RBFOX1: variants seen among roughly 807,000 people sequenced by gnomAD.
RBFOX1 encodes RNA binding fox-1 homolog 1, also known as RNA binding protein fox-1 homolog 1.
Under a neutral mutation model 57.7 loss-of-function variants are expected in RBFOX1, and 8 were observed. The ratio of observed to expected loss-of-function variants is 0.14; its 90% CI spans 0.08 to 0.25. RBFOX1 has a LOEUF of 0.25. Among genes scored for constraint, RBFOX1 ranks in the 10% least tolerant of loss-of-function variants. The probability of loss-of-function intolerance (pLI) is 1.00; values close to 1 mark genes in which losing one functional copy is unlikely to be tolerated. For synonymous variants in RBFOX1, 326 were observed against 222.4 expected (o/e 1.47, Z -4.15); for missense variants, 611 against 548.5 (o/e 1.11, Z -1.14).
At chr16:5,474,949 A>T (rs991473750) in intron 2 of RBFOX1, among the ~76,000 whole-genome samples, 3 of 152,198 alleles carry the variant, frequency 2.0e-5, no homozygotes, top group South Asian at 4.1e-4. Flanking sequence ...AGCTTGGCTG[A>T]TGCATCCTAC....
At position 6,683,577 on chromosome 16, in the gene RBFOX1, G is replaced by A. The variant is rs780893861; in HGVS notation, c.-16+28927G>A. Among the ~76,000 whole-genome samples, 7 of 152,180 alleles carry A rather than the reference G, an allele frequency of 4.6e-5. 1 individual carries two copies. The highest frequency in any genetic ancestry group is 4.1e-4 in the South Asian group (2 of 4,820). The stretch of plus-strand genomic sequence containing the variant: ...TACAAATATATACGTTTGCATACAC[G>A]TGTATACATGTGTGTGTGTATGTAT... On this transcript the variant is annotated intron_variant, in intron 3 of 15. Transcript: ENST00000550418.
chr16:7,597,505 A>C (rs2094766792), intron 9 of RBFOX1, 74 bp downstream of exon 9: 1 of 1,345,220 alleles, frequency 7.4e-7, no homozygotes, highest in Non-Finnish European at 1.0e-6. Flanking sequence ...CAGAGATTCT[A>C]TTACAACAAG....
At chr16:6,024,343 G>A (rs892679539) in intron 1 of RBFOX1, among the ~76,000 whole-genome samples, 2 of 152,106 alleles carry the variant, frequency 1.3e-5, no homozygotes, top group Admixed American at 1.3e-4. Context: ...TTTTCATAAG[G>A]ATAATGAAAA....
At chr16:6,937,953 C>A (rs72772299) in intron 3 of RBFOX1, among the ~76,000 whole-genome samples, 1 of 116,898 alleles carries the variant, frequency 8.6e-6, no homozygotes, top group Non-Finnish European at 1.6e-5. Context: ...AATGCCCTGG[C>A]TGAGAGGAGA....
chr16:6,329,453 T>C (rs1021986408), intron 2 of RBFOX1, among the ~76,000 whole-genome samples: 2 of 152,212 alleles, frequency 1.3e-5, no homozygotes, highest in African/African-American at 4.8e-5. Flanking sequence ...GTCTACGCTC[T>C]TGACCACTAT....
chr16:5,356,271 T>C (rs925821337), intron 1 of RBFOX1, among the ~76,000 whole-genome samples: 9 of 152,132 alleles, frequency 5.9e-5, no homozygotes, highest in South Asian at 2.1e-4. Flanking sequence ...CCAGAAGGAA[T>C]CATCCGTGAT....
At chr16:5,371,738 G>A (rs1032480481) in intron 1 of RBFOX1, among the ~76,000 whole-genome samples, 2 of 152,294 alleles carry the variant, frequency 1.3e-5, no homozygotes, top group African/African-American at 2.4e-5. Context: ...GAGGGTGACC[G>A]GCATTTCCGG....
At chr16:6,889,525 C>G (rs1217942340) in intron 3 of RBFOX1, among the ~76,000 whole-genome samples, 3 of 152,180 alleles carry the variant, frequency 2.0e-5, no homozygotes, top group African/African-American at 7.2e-5. Flanking sequence ...TTCTTCGTGA[C>G]TGCAGTGTTA....
rs552390664 is a variant in RBFOX1 at position 6,900,585 on chromosome 16, C to T, written c.-15-151472C>T. On this transcript the variant is annotated intron_variant, in intron 3 of 15. Transcript: ENST00000550418. ...TATTTCAGAGCCTTTTTAGTCTTTTCCAGTTTTAGCAATGTGCTGAGTGTC... is the reference window on the plus strand; with the variant it reads ...TATTTCAGAGCCTTTTTAGTCTTTTTCAGTTTTAGCAATGTGCTGAGTGTC... Among the ~76,000 whole-genome samples, 703 of 152,258 alleles carry T rather than the reference C, an allele frequency of 4.6e-3. 6 individuals carry two copies. Among genetic ancestry groups the T allele is most frequent in the African/African-American group, 0.016 (666 of 41,554 alleles).
At chr16:6,006,149 T>C (rs866297310) in intron 4 of RBFOX1, among the ~76,000 whole-genome samples, 2 of 152,212 alleles carry the variant, frequency 1.3e-5, no homozygotes, top group African/African-American at 2.4e-5. Flanking sequence ...TTAGCATCTG[T>C]ATAACTTTGC....
intron 3 of RBFOX1, among the ~76,000 whole-genome samples, chr16:5,652,963 C>G (rs535428284): frequency 6.6e-6 from 1 of 152,324 alleles, no homozygotes; most frequent in East Asian, 1.9e-4. Context: ...CTGCTGCACC[C>G]TGTGCACACT....
At chr16:6,812,080 T>C (rs977999054) in intron 3 of RBFOX1, among the ~76,000 whole-genome samples, 1 of 152,088 alleles carries the variant, frequency 6.6e-6, no homozygotes, top group East Asian at 1.9e-4. Flanking sequence ...AGTTGTATTA[T>C]CAGACTCCAT....
intron 1 of RBFOX1, among the ~76,000 whole-genome samples, chr16:6,109,751 G>C (rs946532757): frequency 3.3e-5 from 5 of 152,090 alleles, no homozygotes; most frequent in African/African-American, 1.2e-4. Context: ...TAAAATTTAA[G>C]GGCAGCTGAA....
Position 6,941,288 on chromosome 16 carries a change from T to TTCCC in RBFOX1, c.-15-110757_-15-110754dup, listed in dbSNP as rs1183309032. Among the ~76,000 whole-genome samples, 208 of 80,150 alleles carry TTCCC rather than the reference T, an allele frequency of 2.6e-3. 5 individuals are homozygous for TTCCC. Among genetic ancestry groups the TTCCC allele is most frequent in the African/African-American group, 9.3e-3 (201 of 21,564 alleles). The allele number at this position is 80,150 out of a possible 152,430, so 52.6% of individuals were successfully genotyped here. ...TTTCCTCTCTCCCTCCCTTCCCTCC[T>TTCCC]TCCCTCCCTCCCTCCTTCCTTCCTT... On this transcript the variant is annotated intron_variant, in intron 3 of 15. Coordinates refer to ENST00000550418, the MANE Select transcript of RBFOX1 (RefSeq NM_018723.4).
At chr16:7,062,312 C>G (rs1395080072) in intron 4 of RBFOX1, among the ~76,000 whole-genome samples, 1 of 90,406 alleles carries the variant, frequency 1.1e-5, no homozygotes, top group African/African-American at 5.2e-5. Context: ...AGTGAGACTC[C>G]ATCTCAAAAA....
At chr16:5,254,929 C>G (rs1393600334) in intron 1 of RBFOX1, among the ~76,000 whole-genome samples, 1 of 152,098 alleles carries the variant, frequency 6.6e-6, no homozygotes, top group Non-Finnish European at 1.5e-5. Context: ...GATCTCTGTC[C>G]CCACTGTTGG....
intron 4 of RBFOX1, among the ~76,000 whole-genome samples, chr16:7,394,341 C>G (rs1402773754): frequency 6.6e-6 from 1 of 150,928 alleles, no homozygotes; most frequent in Non-Finnish European, 1.5e-5. Flanking sequence ...AAATAATGAC[C>G]TCTGCTTGTA....
intron 4 of RBFOX1, among the ~76,000 whole-genome samples, chr16:7,433,353 C>G (rs760583521): frequency 6.6e-6 from 1 of 152,206 alleles, no homozygotes. Flanking sequence ...AAAGGAAATT[C>G]TCACTGATAC....
intron 4 of RBFOX1, among the ~76,000 whole-genome samples, chr16:7,219,718 G>T (rs1317040): frequency 6.6e-6 from 1 of 151,996 alleles, no homozygotes; most frequent in Non-Finnish European, 1.5e-5. Flanking sequence ...CAGGAAGCAG[G>T]GAATCTTTAA....
Sources: gnomAD v4.1 joint callset for allele counts (sites outside exome capture counted in the v4.1 genomes callset) on GRCh38, gnomAD v4.1.1 for gene constraint, MANE v1.5 for transcripts, NCBI Gene and HGNC (gene_info 2026-07-23, HGNC 2026-07-21) for gene names.